The following ARHGAP32 variants were observed in gnomAD, a reference collection of about 807,000 sequenced individuals.
The protein encoded by ARHGAP32 is rho GTPase-activating protein 32.
In ARHGAP32, 51 loss-of-function variants were observed where a neutral mutation model predicts 186.5. That is an observed-to-expected ratio of 0.27 (90% confidence interval 0.22 to 0.35). The LOEUF is 0.35. ARHGAP32 is among the 10% of genes least tolerant of loss of function. The pLI, the probability that ARHGAP32 is intolerant of heterozygous loss-of-function variation, is 1.00. For synonymous variants in ARHGAP32, 950 were observed against 964.3 expected, an observed-to-expected ratio of 0.99 and a Z score of 0.27; for missense variants, 2,186 against 2,623.5, an observed-to-expected ratio of 0.83 and a Z score of 3.64.
At chr11:129,253,359 G>C (rs1437876085) in intron 1 of ARHGAP32, among the ~76,000 whole-genome samples, 1 of 152,136 alleles carries the variant, frequency 6.6e-6, no homozygotes, top group Admixed American at 6.6e-5. Context: ...CAAAAAGAGT[G>C]ATAGATAGGA....
chr11:129,101,632 A>C (rs186476175), intron 5 of ARHGAP32, among the ~76,000 whole-genome samples: 8 of 152,344 alleles, frequency 5.3e-5, no homozygotes, highest in African/African-American at 1.7e-4. Flanking sequence ...ATTCTGAAAT[A>C]AGACAGACAG....
intron 1 of ARHGAP32, among the ~76,000 whole-genome samples, chr11:129,177,063 G>C (rs989817518): frequency 6.6e-6 from 1 of 150,408 alleles, no homozygotes; most frequent in Non-Finnish European, 1.5e-5. Flanking sequence ...GAAAAAAAGA[G>C]AGAAGAATCA....
At chr11:129,009,649 C>T (rs1937971359) in intron 11 of ARHGAP32, among the ~76,000 whole-genome samples, 1 of 152,228 alleles carries the variant, frequency 6.6e-6, no homozygotes, top group South Asian at 2.1e-4. Context: ...CAAACATGTC[C>T]CTGCAAAGGA....
At chr11:129,227,882 G>A (rs1655053919) in intron 1 of ARHGAP32, among the ~76,000 whole-genome samples, 1 of 152,070 alleles carries the variant, frequency 6.6e-6, no homozygotes, top group South Asian at 2.1e-4. Flanking sequence ...AAATCAACCT[G>A]ACCTAACAGA....
intron 1 of ARHGAP32, among the ~76,000 whole-genome samples, chr11:129,215,329 G>A (rs1025143420): frequency 2.0e-5 from 3 of 152,160 alleles, no homozygotes; most frequent in Non-Finnish European, 4.4e-5. Context: ...GTATGTGCTA[G>A]AACACATCCT....
intron 1 of ARHGAP32, among the ~76,000 whole-genome samples, chr11:129,174,276 G>A (rs1389437692): frequency 6.6e-6 from 1 of 152,232 alleles, no homozygotes; most frequent in African/African-American, 2.4e-5. Flanking sequence ...TCCCGCACAT[G>A]GCTCGGAGGG....
chr11:129,260,104 C>G (rs796657987), intron 1 of ARHGAP32, among the ~76,000 whole-genome samples: 7 of 152,230 alleles, frequency 4.6e-5, no homozygotes, highest in African/African-American at 1.7e-4. Context: ...TGGGCTGCAA[C>G]AACTCACTGA....
At chr11:129,090,058 C>A (rs1042870716) in intron 6 of ARHGAP32, among the ~76,000 whole-genome samples, 1 of 152,168 alleles carries the variant, frequency 6.6e-6, no homozygotes, top group Admixed American at 6.5e-5. Context: ...ATGAACAGCA[C>A]GTTACTCATC....
chr11:129,053,510 G>C (rs1303768491), intron 10 of ARHGAP32, among the ~76,000 whole-genome samples: 1 of 152,120 alleles, frequency 6.6e-6, no homozygotes, highest in Non-Finnish European at 1.5e-5. Context: ...TAAACAAGCA[G>C]AGCCACTATT....
At chr11:128,999,392 T>TTCCC (rs1180183221) in intron 11 of ARHGAP32, among the ~76,000 whole-genome samples, 1 of 152,194 alleles carries the variant, frequency 6.6e-6, no homozygotes, top group Non-Finnish European at 1.5e-5. Flanking sequence ...TCAATGACAA[T>TTCCC]GCATGCACAG....
At chr11:129,152,621 T>C (rs1234975624) in intron 2 of ARHGAP32, among the ~76,000 whole-genome samples, 1 of 151,922 alleles carries the variant, frequency 6.6e-6, no homozygotes, top group Non-Finnish European at 1.5e-5. Flanking sequence ...ATACACAAAA[T>C]TTATAAGAAA....
intron 1 of ARHGAP32, among the ~76,000 whole-genome samples, chr11:129,274,536 G>C (rs1390105720): frequency 6.6e-6 from 1 of 152,076 alleles, no homozygotes; most frequent in Non-Finnish European, 1.5e-5. Context: ...ACAGTTTGTA[G>C]AACTGCAAGA....
chr11:129,088,118 C>A (rs1010452588), intron 6 of ARHGAP32, among the ~76,000 whole-genome samples: 1 of 152,120 alleles, frequency 6.6e-6, no homozygotes, highest in Admixed American at 6.5e-5. Flanking sequence ...AAAGTCTAAT[C>A]TTTTATATAC....
chr11:129,191,938 C>T (rs1944278718), intron 1 of ARHGAP32, 145 bp downstream of exon 1: 2 of 644,130 alleles, frequency 3.1e-6, no homozygotes, highest in Non-Finnish European at 5.4e-6. Context: ...ATATACAACT[C>T]AAAACCTGCT....
At chr11:129,132,228 CA>C (rs1254048594) in intron 2 of ARHGAP32, among the ~76,000 whole-genome samples, 2 of 152,216 alleles carry the variant, frequency 1.3e-5, no homozygotes, top group African/African-American at 4.8e-5. Flanking sequence ...CCTGTAATCC[CA>C]AGACTTTGGG....
chr11:129,276,139 G>C (rs1023003181), intron 1 of ARHGAP32, among the ~76,000 whole-genome samples: 1 of 152,218 alleles, frequency 6.6e-6, no homozygotes, highest in Non-Finnish European at 1.5e-5. Flanking sequence ...AGCAGCAGCA[G>C]TAGCTCACAG....
chr11:129,085,330 A>G (rs1941354581), intron 6 of ARHGAP32, among the ~76,000 whole-genome samples: 2 of 152,194 alleles, frequency 1.3e-5, no homozygotes, highest in Non-Finnish European at 2.9e-5. Context: ...AACAAGGGGA[A>G]TTTGAAATTA....
intron 1 of ARHGAP32, among the ~76,000 whole-genome samples, chr11:129,188,452 G>C: frequency 6.6e-6 from 1 of 152,078 alleles, no homozygotes; most frequent in Non-Finnish European, 1.5e-5. Flanking sequence ...TGATCGCCTG[G>C]GCCTGGGAGT....
At chr11:129,203,541 T>C (rs556225599) in intron 1 of ARHGAP32, among the ~76,000 whole-genome samples, 1 of 151,568 alleles carries the variant, frequency 6.6e-6, no homozygotes, top group African/African-American at 2.4e-5. Flanking sequence ...GTGTTGAAAA[T>C]TAGGGACTGA....
Sources: allele counts gnomAD v4.1 joint callset (sites outside exome capture counted in the v4.1 genomes callset), GRCh38; gene constraint gnomAD v4.1.1; transcripts MANE v1.5; gene names NCBI Gene and HGNC (gene_info 2026-07-23, HGNC 2026-07-21).